The following CREB5 variants were observed in gnomAD, a reference collection of about 807,000 sequenced individuals.
CREB5 encodes cAMP responsive element binding protein 5, also known as cyclic AMP-responsive element-binding protein 5.
A neutral mutation model predicts 57.1 loss-of-function variants in CREB5; 19 were observed. The observed-to-expected ratio is 0.33, with a 90% CI of 0.23 to 0.49. The LOEUF is 0.49. Ranked by LOEUF, CREB5 falls within the 20% of genes least tolerant of loss-of-function variation. The pLI is 0.99. For missense variants in CREB5, 579 were observed against 671.6 expected, an observed-to-expected ratio of 0.86 and a Z score of 1.52; for synonymous variants, 238 against 238.3, an observed-to-expected ratio of 1.00 and a Z score of 0.01.
chr7:28,651,402 C>T (rs1799123180), intron 5 of CREB5, among the ~76,000 whole-genome samples: 1 of 152,024 alleles, frequency 6.6e-6, no homozygotes, highest in Non-Finnish European at 1.5e-5. Flanking sequence ...AATGTCATAG[C>T]AGCATATAGA....
At position 28,741,529 on chromosome 7, in the gene CREB5, T is replaced by C. The variant is rs75861709; in HGVS notation, c.702+17197T>C. ...AAGAGTCCTTTGTAGAGTGAATGTT[T>C]ATCAGCCGAGATGTGTTTCTTTCCT... On this transcript the variant is annotated intron_variant, in intron 7 of 10. Coordinates refer to ENST00000357727, the MANE Select transcript of CREB5 (RefSeq NM_182898.4). 1.1e-3 allele frequency among the ~76,000 whole-genome samples: 160 copies of C among 152,336 alleles called. 1 individual carries two copies. The East Asian group carries it at 0.027, about 26-fold the overall frequency.
intron 1 of CREB5, among the ~76,000 whole-genome samples, chr7:28,316,195 C>T (rs1271277072): frequency 6.6e-6 from 1 of 152,056 alleles, no homozygotes; most frequent in Non-Finnish European, 1.5e-5. Context: ...GTGCTTTCAC[C>T]CACAAGTATG....
chr7:28,771,458 C>T (rs1362945221), intron 7 of CREB5, among the ~76,000 whole-genome samples: 5 of 152,132 alleles, frequency 3.3e-5, no homozygotes, highest in African/African-American at 9.7e-5. Flanking sequence ...AGTCTGGGGG[C>T]GTCCTTCCTC....
intron 1 of CREB5, among the ~76,000 whole-genome samples, chr7:28,447,131 C>G (rs1332771904): frequency 6.6e-6 from 1 of 152,210 alleles, no homozygotes; most frequent in Non-Finnish European, 1.5e-5. Context: ...AGATAACACA[C>G]ATAGCACAGG....
At chr7:28,445,628 T>G (rs979555395) in intron 1 of CREB5, among the ~76,000 whole-genome samples, 1 of 151,978 alleles carries the variant, frequency 6.6e-6, no homozygotes, top group Non-Finnish European at 1.5e-5. Context: ...CTCGGCTCAC[T>G]GCAAGCTCCG....
At chr7:28,795,001 T>C (rs1056344886) in intron 7 of CREB5, among the ~76,000 whole-genome samples, 5 of 152,128 alleles carry the variant, frequency 3.3e-5, no homozygotes, top group Non-Finnish European at 7.4e-5. Context: ...GATGTTTAGA[T>C]CTTTGGTGGG....
rs1795247590 is a variant in CREB5, at chr7:28,561,023, T to TGTGCGTGC, written c.292-9341_292-9340insTGCGTGCG. 3.6e-5 allele frequency among the ~76,000 whole-genome samples: 2 copies of TGTGCGTGC among 56,082 alleles called. 1 individual carries two copies. Among genetic ancestry groups the TGTGCGTGC allele is most frequent in the African/African-American group, 2.6e-4 (2 of 7,732 alleles). 36.8% of individuals were successfully genotyped at this position (56,082 alleles called of 152,430 possible). ...GCGTGTGCGTGTGTGTGTGCGTGTG[T>TGTGCGTGC]GCGTGTGTGTGTGTGTGTGTGAAGG... On this transcript the variant is annotated intron_variant, in intron 4 of 10. Transcript: ENST00000357727.
intron 5 of CREB5, among the ~76,000 whole-genome samples, chr7:28,635,973 G>T (rs991855655): frequency 3.3e-5 from 5 of 152,196 alleles, no homozygotes; most frequent in African/African-American, 4.8e-5. Flanking sequence ...TCTCAGTTGA[G>T]CATGCCAGAA....
At chr7:28,493,217 A>T (rs1791882376) in intron 2 of CREB5, among the ~76,000 whole-genome samples, 1 of 152,252 alleles carries the variant, frequency 6.6e-6, no homozygotes, top group Non-Finnish European at 1.5e-5. Context: ...AGGAATTAGA[A>T]AGCTCTGAAA....
chr7:28,508,834 T>C (rs568508446), intron 4 of CREB5, among the ~76,000 whole-genome samples: 106 of 152,326 alleles, frequency 7.0e-4, no homozygotes, highest in African/African-American at 2.5e-3. Flanking sequence ...CCTCAAAGGA[T>C]ATGAAGTGCC....
rs974860282 is a variant in CREB5, at chr7:28,707,400, G to A, written c.465-11353G>A. Among the ~76,000 whole-genome samples, 11 of 152,348 alleles carry A rather than the reference G, an allele frequency of 7.2e-5. No homozygotes were observed. In the East Asian group the frequency reaches 1.3e-3, roughly 19 times the overall value. ...CGTAGTTTTTGCCAATGAGAAAACA[G>A]AGGAGTTAGATGCCTTGCTAAGATC... On this transcript the variant is annotated intron_variant, in intron 5 of 10. Coordinates refer to ENST00000357727, the MANE Select transcript of CREB5 (RefSeq NM_182898.4).
chr7:28,781,187 C>A (rs759852137), intron 7 of CREB5, among the ~76,000 whole-genome samples: 1 of 152,108 alleles, frequency 6.6e-6, no homozygotes, highest in African/African-American at 2.4e-5. Context: ...ATGAATGAAG[C>A]CATTTGGACA....
chr7:28,802,795 C>T (rs1808450433), intron 7 of CREB5, among the ~76,000 whole-genome samples: 1 of 152,206 alleles, frequency 6.6e-6, no homozygotes. Context: ...CAAATCTGGC[C>T]CGCTGCCTAA....
chr7:28,606,059 T>C (rs980367102), intron 5 of CREB5, among the ~76,000 whole-genome samples: 2 of 152,216 alleles, frequency 1.3e-5, no homozygotes, highest in Non-Finnish European at 2.9e-5. Context: ...AAATTGCAAT[T>C]AGAATAAGAT....
At chr7:28,657,126 A>G (rs918328801) in intron 5 of CREB5, among the ~76,000 whole-genome samples, 1 of 152,024 alleles carries the variant, frequency 6.6e-6, no homozygotes, top group African/African-American at 2.4e-5. Context: ...CAAGGCACCA[A>G]CCCCATTACC....
intron 1 of CREB5, among the ~76,000 whole-genome samples, chr7:28,474,608 C>T (rs73684378): frequency 0.027 from 4,146 of 152,186 alleles, 169 homozygotes; most frequent in African/African-American, 0.093. Flanking sequence ...GAGGAAATAA[C>T]GATCATACTA....
At chr7:28,451,764 G>C (rs1015421109) in intron 1 of CREB5, among the ~76,000 whole-genome samples, 13 of 152,026 alleles carry the variant, frequency 8.6e-5, no homozygotes, top group South Asian at 4.2e-4. Flanking sequence ...TTGCTAAATT[G>C]ATCTCTCCAT....
intron 4 of CREB5, among the ~76,000 whole-genome samples, chr7:28,528,574 C>T (rs770553542): frequency 6.6e-6 from 1 of 151,950 alleles, no homozygotes; most frequent in Non-Finnish European, 1.5e-5. Context: ...TGTGGTGGCA[C>T]ATGCCTGTAA....
chr7:28,552,006 C>CTT (rs1554342353), intron 4 of CREB5, among the ~76,000 whole-genome samples: 1 of 131,294 alleles, frequency 7.6e-6, no homozygotes, highest in Non-Finnish European at 1.6e-5. Context: ...TTCTCTCTCT[C>CTT]TCTCTTTTCT....
Sources: gnomAD v4.1 joint callset for allele counts (sites outside exome capture counted in the v4.1 genomes callset) on GRCh38, gnomAD v4.1.1 for gene constraint, MANE v1.5 for transcripts, NCBI Gene and HGNC (gene_info 2026-07-23, HGNC 2026-07-21) for gene names.